ZNF804B: variants seen among roughly 807,000 people sequenced by gnomAD.
ZNF804B encodes zinc finger protein 804B, also known as zinc finger 804B.
A neutral mutation model predicts 101.4 loss-of-function variants in ZNF804B; 80 were observed. That is an observed-to-expected ratio of 0.79 (90% CI 0.66 to 0.95). The LOEUF (loss-of-function observed/expected upper bound fraction) is 0.95. Ranked by LOEUF, ZNF804B falls within the 40% of genes least tolerant of loss-of-function variation. ZNF804B has a pLI of 0.00. For missense variants in ZNF804B, 1,673 were observed against 1,561.9 expected (o/e 1.07, Z -1.20); for synonymous variants, 622 against 558.8 (o/e 1.11, Z -1.59).
intron 1 of ZNF804B, among the ~76,000 whole-genome samples, chr7:88,896,968 G>A (rs2115942778): frequency 2.0e-5 from 3 of 152,294 alleles, no homozygotes; most frequent in South Asian, 2.1e-4. Context: ...TTAATCACAA[G>A]TTGACTGCCT....
intron 2 of ZNF804B, among the ~76,000 whole-genome samples, chr7:89,251,867 T>A (rs1789546579): frequency 6.6e-6 from 1 of 152,132 alleles, no homozygotes; most frequent in Admixed American, 6.5e-5. Flanking sequence ...TGTAGAGGAA[T>A]GAAACTGGAC....
intron 1 of ZNF804B, among the ~76,000 whole-genome samples, chr7:89,137,398 C>A (rs980591557): frequency 2.0e-5 from 3 of 152,094 alleles, no homozygotes; most frequent in South Asian, 2.1e-4. Context: ...GTTATATGAA[C>A]AATAAGGTCC....
At position 88,771,764 on chromosome 7, in the gene ZNF804B, A is replaced by G. The variant is rs190257909; in HGVS notation, c.108+11680A>G. ...ATCTTTTCCTTAATATTACATGCCAATTTTCAAAGATCTGATCATCATGTA... is the reference window on the plus strand; with the variant it reads ...ATCTTTTCCTTAATATTACATGCCAGTTTTCAAAGATCTGATCATCATGTA... On this transcript the variant is annotated intron_variant, in intron 1 of 3. Coordinates refer to ENST00000333190, the MANE Select transcript of ZNF804B (RefSeq NM_181646.5). 2.6e-4 allele frequency among the ~76,000 whole-genome samples: 39 copies of G among 152,250 alleles called. No homozygotes were observed. In the East Asian group the frequency reaches 6.6e-3, roughly 26 times the overall value.
intron 1 of ZNF804B, among the ~76,000 whole-genome samples, chr7:89,169,959 ATAAGT>A (rs1791200213): frequency 6.6e-6 from 1 of 152,314 alleles, no homozygotes; most frequent in East Asian, 1.9e-4. Context: ...TTATTTAGTG[ATAAGT>A]TAAGAGAGAT....
chr7:89,159,498 A>G (rs958387396), intron 1 of ZNF804B, among the ~76,000 whole-genome samples: 4 of 152,182 alleles, frequency 2.6e-5, no homozygotes, highest in Non-Finnish European at 5.9e-5. Flanking sequence ...TAAATGCTAC[A>G]GAGAAGAGAG....
chr7:89,100,987 T>C (rs1790046638), intron 1 of ZNF804B, among the ~76,000 whole-genome samples: 1 of 152,076 alleles, frequency 6.6e-6, no homozygotes, highest in South Asian at 2.1e-4. Context: ...CTCTGTTCCA[T>C]TGGAAAACCA....
At chr7:88,799,687 G>C (rs1790549315) in intron 1 of ZNF804B, among the ~76,000 whole-genome samples, 6 of 152,086 alleles carry the variant, frequency 3.9e-5, no homozygotes, top group Admixed American at 3.9e-4. Context: ...TATAAGAAAT[G>C]TAAGTCTGGA....
chr7:88,908,016 A>G (rs1023142041), intron 1 of ZNF804B, among the ~76,000 whole-genome samples: 2 of 151,878 alleles, frequency 1.3e-5, no homozygotes, highest in Non-Finnish European at 3.0e-5. Context: ...GAGATTCCTT[A>G]GTTAGTCAGT....
intron 1 of ZNF804B, among the ~76,000 whole-genome samples, chr7:88,849,425 T>C (rs1791419185): frequency 1.3e-5 from 2 of 151,926 alleles, no homozygotes; most frequent in South Asian, 4.1e-4. Flanking sequence ...TTTATATTTT[T>C]AATTATAAAT....
intron 1 of ZNF804B, among the ~76,000 whole-genome samples, chr7:88,768,318 C>T (rs1790012999): frequency 6.6e-6 from 1 of 152,154 alleles, no homozygotes; most frequent in South Asian, 2.1e-4. Context: ...TGCAAGAAGC[C>T]TCCAGAAAAT....
At chr7:89,116,499 A>G (rs1790314453) in intron 1 of ZNF804B, among the ~76,000 whole-genome samples, 1 of 152,186 alleles carries the variant, frequency 6.6e-6, no homozygotes, top group Non-Finnish European at 1.5e-5. Flanking sequence ...CCTGTGAGAA[A>G]GTAACTAACC....
At chr7:89,101,484 TATTA>T (rs2116338940) in intron 1 of ZNF804B, among the ~76,000 whole-genome samples, 1 of 152,142 alleles carries the variant, frequency 6.6e-6, no homozygotes, top group South Asian at 2.1e-4. Context: ...TAATAAAATA[TATTA>T]ATTATTTCTC....
At chr7:88,768,769 CTATGATA>C (rs1397618603) in intron 1 of ZNF804B, among the ~76,000 whole-genome samples, 2 of 152,164 alleles carry the variant, frequency 1.3e-5, no homozygotes, top group African/African-American at 4.8e-5. Flanking sequence ...TGTTCAGTTT[CTATGATA>C]TATTATACCT....
intron 2 of ZNF804B, among the ~76,000 whole-genome samples, chr7:89,312,002 G>A (rs1433361063): frequency 6.6e-6 from 1 of 152,096 alleles, no homozygotes; most frequent in Non-Finnish European, 1.5e-5. Context: ...TGCCTCAGAG[G>A]TAGTGGGAAA....
At chr7:89,262,976 T>TG (rs11386388) in intron 2 of ZNF804B, among the ~76,000 whole-genome samples, 43,152 of 151,846 alleles carry the variant, frequency 0.28, 6,292 homozygotes, top group South Asian at 0.34. Context: ...ACTTTGTAGC[T>TG]TAGTTGTCCT....
intron 1 of ZNF804B, among the ~76,000 whole-genome samples, chr7:88,853,590 G>T (rs557154034): frequency 1.3e-5 from 2 of 152,054 alleles, no homozygotes; most frequent in South Asian, 2.1e-4. Flanking sequence ...TCTCTAAAAT[G>T]CTTAACTTTA....
intron 1 of ZNF804B, among the ~76,000 whole-genome samples, chr7:88,840,869 A>G: frequency 6.6e-6 from 1 of 152,184 alleles, no homozygotes; most frequent in East Asian, 1.9e-4. Flanking sequence ...TATAAAATAA[A>G]ATGACTTGAG....
intron 1 of ZNF804B, among the ~76,000 whole-genome samples, chr7:88,901,636 AAG>A (rs1022916151): frequency 9.3e-5 from 14 of 150,862 alleles, no homozygotes; most frequent in Admixed American, 6.6e-5. Flanking sequence ...TAGAGAGAGA[AAG>A]AGAGAGAGAG....
At chr7:89,053,949 T>C (rs1238063622) in intron 1 of ZNF804B, among the ~76,000 whole-genome samples, 1 of 152,084 alleles carries the variant, frequency 6.6e-6, no homozygotes, top group African/African-American at 2.4e-5. Flanking sequence ...GTTGAAGTGT[T>C]ATTTGTCACT....
Sources: allele counts gnomAD v4.1 joint callset (sites outside exome capture counted in the v4.1 genomes callset), GRCh38; gene constraint gnomAD v4.1.1; transcripts MANE v1.5; gene names NCBI Gene and HGNC (gene_info 2026-07-23, HGNC 2026-07-21).